The following TMTC3 variants were observed in gnomAD, a reference collection of about 807,000 sequenced individuals.
The protein encoded by TMTC3 is protein O-mannosyl-transferase TMTC3.
Under a neutral mutation model 92.2 loss-of-function variants are expected in TMTC3, and 52 were observed. The observed-to-expected ratio is 0.56, with a 90% CI of 0.45 to 0.71. The LOEUF (loss-of-function observed/expected upper bound fraction) is 0.71. Ranked by LOEUF, TMTC3 falls within the 30% of genes least tolerant of loss-of-function variation. The pLI is 0.00. For missense variants in TMTC3, 896 were observed against 1,057.1 expected (o/e 0.85, Z 2.11); for synonymous variants, 339 against 363.3 (o/e 0.93, Z 0.76).
chr12:88,175,901 G>A (rs1282000868), intron 9 of TMTC3, among the ~76,000 whole-genome samples: 1 of 152,130 alleles, frequency 6.6e-6, no homozygotes, highest in East Asian at 1.9e-4. Flanking sequence ...CAGTGCTTTT[G>A]CTCCTAAAAA....
chr12:88,171,315 T>C (rs1444138954), intron 7 of TMTC3, among the ~76,000 whole-genome samples: 2 of 152,158 alleles, frequency 1.3e-5, no homozygotes, highest in Non-Finnish European at 2.9e-5. Context: ...TTATTTAATT[T>C]GTATTCCTCC....
chr12:88,184,505 C>A (rs61941053), intron 10 of TMTC3, among the ~76,000 whole-genome samples: 320 of 152,318 alleles, frequency 2.1e-3, no homozygotes, highest in South Asian at 6.6e-3. Flanking sequence ...CTTTTTCTTA[C>A]AACTTTTCCC....
intron 11 of TMTC3, 27 bp from the exon 12 acceptor site, chr12:88,190,426 C>T: frequency 6.2e-7 from 1 of 1,602,444 alleles, no homozygotes; most frequent in Non-Finnish European, 8.5e-7. Flanking sequence ...AATATCAAAT[C>T]ATGAAAATGC....
intron 6 of TMTC3, among the ~76,000 whole-genome samples, chr12:88,162,687 T>C (rs1266785211): frequency 6.6e-6 from 1 of 152,206 alleles, no homozygotes; most frequent in African/African-American, 2.4e-5. Context: ...TTTAATGTCC[T>C]TGCCTACTAA....
chr12:88,188,788 A>G, intron 10 of TMTC3, 55 bp from the exon 11 acceptor site: 1 of 815,472 alleles, frequency 1.2e-6, no homozygotes. Flanking sequence ...TTCATTGAGT[A>G]TATTGAATAT....
At chr12:88,180,400 G>T (rs900875737) in intron 10 of TMTC3, among the ~76,000 whole-genome samples, 2 of 152,152 alleles carry the variant, frequency 1.3e-5, no homozygotes, top group African/African-American at 4.8e-5. Flanking sequence ...CAGGGTGAAA[G>T]AAAGGCGGAT....
chr12:88,195,112 C>A lies in TMTC3; in HGVS notation c.2208C>A (p.Ile736=). The change falls in exon 14 of 14, where the codon ATC becomes ATA. Residue 736 remains isoleucine (I), a synonymous_variant. Coordinates refer to ENST00000266712, the MANE Select transcript of TMTC3 (RefSeq NM_181783.4). ...EELLRYYPDH[I]KGLILKGDIL... ...TACTCAGATACTACCCTGATCATAT[C>A]AAGGGCCTCATTTTAAAAGGAGACA... 2 of 1,613,782 alleles carry A rather than the reference C, an allele frequency of 1.2e-6. No homozygotes were observed. The highest frequency in any genetic ancestry group is 4.5e-5 in the East Asian group (2 of 44,778).
At chr12:88,194,217 GTC>G (rs887715471) in intron 13 of TMTC3, among the ~76,000 whole-genome samples, 2 of 151,796 alleles carry the variant, frequency 1.3e-5, no homozygotes, top group African/African-American at 4.8e-5. Flanking sequence ...GTGAGACCCT[GTC>G]TCAAAAAAAA....
At chr12:88,167,303 C>T (rs1441205573) in intron 7 of TMTC3, among the ~76,000 whole-genome samples, 3 of 151,856 alleles carry the variant, frequency 2.0e-5, no homozygotes, top group Non-Finnish European at 4.4e-5. Flanking sequence ...ACTCAGGAGG[C>T]GGAGGCACAA....
rs983504228 is a variant in TMTC3, at chr12:88,197,655, A to AT, written c.*2011dup. The AT allele has an allele frequency of 1.8e-4, 27 of 151,936 alleles. No individual in the cohort carries two copies. The highest frequency in any genetic ancestry group is 6.5e-4 in the African/African-American group (27 of 41,426). The allele number at this position is 151,936 out of a possible 1,614,324, so 9.4% of individuals were successfully genotyped here. A position where few individuals can be genotyped will look rare whatever the true frequency, so the allele number is the denominator to read the frequency against. Reference sequence around the variant, plus strand: ...AAAAATGTATCAATGTTATCCAATGATTTTTATTAAAAAATTACCTTATTA... The same window carrying AT: ...AAAAATGTATCAATGTTATCCAATGATTTTTTATTAAAAAATTACCTTATTA... On this transcript the variant is annotated 3_prime_UTR_variant, in exon 14 of 14. Transcript: ENST00000266712.
intron 1 of TMTC3, among the ~76,000 whole-genome samples, chr12:88,145,891 G>A (rs1360902156): frequency 6.6e-6 from 1 of 152,080 alleles, no homozygotes; most frequent in African/African-American, 2.4e-5. Context: ...GAGATCCCAA[G>A]TTTTATTTTC....
At chr12:88,173,915 T>C (rs2041231423) in intron 8 of TMTC3, among the ~76,000 whole-genome samples, 1 of 152,104 alleles carries the variant, frequency 6.6e-6, no homozygotes, top group Non-Finnish European at 1.5e-5. Flanking sequence ...CCAATGACCA[T>C]GTTCTTTCAC....
At chr12:88,161,476 C>A (rs1340138830) in intron 6 of TMTC3, among the ~76,000 whole-genome samples, 1 of 152,028 alleles carries the variant, frequency 6.6e-6, no homozygotes, top group Non-Finnish European at 1.5e-5. Context: ...AGCATCCATA[C>A]AATTTGGTCT....
chr12:88,181,216 T>C lies in TMTC3; in HGVS notation c.1432+4897T>C, dbSNP rs1014903298. ...GTTTAATAACATATTGGGAGGACTC[T>C]TCAGGAAGAGCATGTGTGCTAATTA... On this transcript the variant is annotated intron_variant, in intron 10 of 13. Coordinates refer to ENST00000266712, the MANE Select transcript of TMTC3 (RefSeq NM_181783.4). Among the ~76,000 whole-genome samples the C allele has an allele frequency of 6.6e-5, 10 of 152,178 alleles. No homozygotes were observed. The East Asian group carries it at 1.4e-3, about 21-fold the overall frequency.
At chr12:88,183,431 A>T (rs910090105) in intron 10 of TMTC3, among the ~76,000 whole-genome samples, 1 of 152,092 alleles carries the variant, frequency 6.6e-6, no homozygotes, top group Non-Finnish European at 1.5e-5. Context: ...TAATGCTGCT[A>T]CCTAAGACAG....
chr12:88,183,832 C>G (rs1265538218), intron 10 of TMTC3, among the ~76,000 whole-genome samples: 1 of 152,176 alleles, frequency 6.6e-6, no homozygotes, highest in Non-Finnish European at 1.5e-5. Flanking sequence ...GCTCCACTAG[C>G]TTTAAGCAGC....
chr12:88,147,134 A>G (rs1470115205), intron 1 of TMTC3, among the ~76,000 whole-genome samples: 2 of 151,738 alleles, frequency 1.3e-5, no homozygotes, highest in East Asian at 3.9e-4. Flanking sequence ...TTAACAGCTA[A>G]TGTATCAAGT....
intron 1 of TMTC3, among the ~76,000 whole-genome samples, chr12:88,145,212 C>T (rs2040858279): frequency 2.0e-5 from 3 of 152,202 alleles, no homozygotes; most frequent in African/African-American, 7.2e-5. Flanking sequence ...CATTGTGTGT[C>T]CTAAACATTT....
In TMTC3 at chr12:88,192,901, T is replaced by G. The variant is rs1448007275; in HGVS notation, c.1933+71T>G. ...AATATAATAAGACCTTAATTTAACT[T>G]TATTACCCATAGCAAACACTTTATG... On this transcript the variant is annotated intron_variant, in intron 13 of 13. Transcript: ENST00000266712. 9.4e-6 allele frequency: 12 copies of G among 1,274,002 alleles called. No individual in the cohort carries two copies. The Admixed American group carries it at 2.6e-4, about 27-fold the overall frequency. The allele number at this position is 1,274,002 out of a possible 1,614,324, so 78.9% of individuals were successfully genotyped here. A position where few individuals can be genotyped will look rare whatever the true frequency, so the allele number is the denominator to read the frequency against.
Sources: gnomAD v4.1 joint callset for allele counts (sites outside exome capture counted in the v4.1 genomes callset) on GRCh38, gnomAD v4.1.1 for gene constraint, MANE v1.5 for transcripts, NCBI Gene and HGNC (gene_info 2026-07-23, HGNC 2026-07-21) for gene names.